The following KAZN variants were observed in gnomAD, a reference collection of about 807,000 sequenced individuals.
The protein encoded by KAZN is kazrin, periplakin interacting protein.
A neutral mutation model predicts 87.4 loss-of-function variants in KAZN; 40 were observed. The ratio of observed to expected loss-of-function variants is 0.46; its 90% CI spans 0.36 to 0.60. The LOEUF is 0.60. Among genes scored for constraint, KAZN ranks in the 20% least tolerant of loss-of-function variants. KAZN has a pLI of 0.00. For synonymous variants in KAZN, 466 were observed against 458.3 expected, an observed-to-expected ratio of 1.02 and a Z score of -0.22; for missense variants, 898 against 1,073.9, an observed-to-expected ratio of 0.84 and a Z score of 2.29.
chr1:14,303,624 C>T (rs564551659), intron 2 of KAZN, among the ~76,000 whole-genome samples: 4 of 152,290 alleles, frequency 2.6e-5, no homozygotes, highest in Admixed American at 6.5e-5. Flanking sequence ...CATATGTCCT[C>T]CAGGCTCTCA....
At chr1:14,889,024 C>T (rs558760919) in intron 1 of KAZN, among the ~76,000 whole-genome samples, 2 of 152,264 alleles carry the variant, frequency 1.3e-5, no homozygotes, top group East Asian at 3.9e-4. Context: ...TTAAAAATCG[C>T]AAAAACATCT....
chr1:14,830,306 C>T (rs538253510), intron 1 of KAZN, among the ~76,000 whole-genome samples: 1 of 152,320 alleles, frequency 6.6e-6, no homozygotes, highest in East Asian at 1.9e-4. Context: ...GGAAAAATGA[C>T]AGTCCCAGCA....
At chr1:14,832,196 CAAA>C (rs559013790) in intron 1 of KAZN, among the ~76,000 whole-genome samples, 7 of 120,874 alleles carry the variant, frequency 5.8e-5, no homozygotes, top group East Asian at 2.4e-4. Flanking sequence ...AACTCCATCT[CAAA>C]AAAAAAAAAA....
chr1:14,692,818 G>A lies in KAZN; in HGVS notation c.226+93595G>A, dbSNP rs147986224. On this transcript the variant is annotated intron_variant, in intron 1 of 14. Coordinates refer to ENST00000376030, the MANE Select transcript of KAZN (RefSeq NM_201628.3). ...CGTAGTGGCACATGCCTGTAAACCC[G>A]GCTACTTGGGAGGCTGAGGCATGAG... Among the ~76,000 whole-genome samples, 602 of 152,242 alleles carry A rather than the reference G, an allele frequency of 4.0e-3. 2 individuals carry two copies. Among genetic ancestry groups the A allele is most frequent in the Middle Eastern group, 0.014 (4 of 294 alleles).
intron 2 of KAZN, among the ~76,000 whole-genome samples, chr1:14,553,179 A>G (rs544415273): frequency 4.6e-5 from 7 of 152,266 alleles, no homozygotes; most frequent in Admixed American, 2.0e-4. Flanking sequence ...ATTCGAGACC[A>G]GCCTGGCCAA....
chr1:14,414,205 A>G (rs1664552647), intron 2 of KAZN, among the ~76,000 whole-genome samples: 1 of 152,178 alleles, frequency 6.6e-6, no homozygotes. Context: ...GGAATTTGGC[A>G]ATATTTAGTA....
At chr1:14,577,781 A>G (rs1046229085) in intron 2 of KAZN, among the ~76,000 whole-genome samples, 1 of 152,198 alleles carries the variant, frequency 6.6e-6, no homozygotes, top group Non-Finnish European at 1.5e-5. Flanking sequence ...GCTTTTTCAC[A>G]TCCAGCAACA....
At chr1:13,894,320 A>C (rs1255026375) in intron 1 of KAZN, among the ~76,000 whole-genome samples, 1 of 152,054 alleles carries the variant, frequency 6.6e-6, no homozygotes, top group African/African-American at 2.4e-5. Context: ...CTCACGTTTT[A>C]TACAGAAGGG....
intron 1 of KAZN, among the ~76,000 whole-genome samples, chr1:14,931,084 G>A (rs1190459803): frequency 1.3e-5 from 2 of 152,134 alleles, no homozygotes; most frequent in Non-Finnish European, 2.9e-5. Flanking sequence ...GGCTGGGAAG[G>A]GACCATACTC....
chr1:14,668,850 C>A (rs1356729813), intron 1 of KAZN, among the ~76,000 whole-genome samples: 3 of 152,168 alleles, frequency 2.0e-5, no homozygotes, highest in Admixed American at 2.0e-4. Flanking sequence ...GCAGCTCACG[C>A]AGCTTGACAT....
intron 1 of KAZN, among the ~76,000 whole-genome samples, chr1:14,950,040 G>T (rs1038883981): frequency 1.7e-4 from 26 of 152,076 alleles, no homozygotes; most frequent in South Asian, 6.2e-4. Context: ...TGTGCAATAT[G>T]AGAAAAGGAC....
At chr1:14,333,720 C>T (rs1049184169) in intron 2 of KAZN, among the ~76,000 whole-genome samples, 10 of 152,042 alleles carry the variant, frequency 6.6e-5, no homozygotes, top group Admixed American at 6.6e-4. Context: ...CTGACAGGGG[C>T]TGGTGGGGGG....
intron 1 of KAZN, among the ~76,000 whole-genome samples, chr1:14,177,182 T>C (rs546718800): frequency 2.5e-4 from 38 of 152,096 alleles, no homozygotes; most frequent in Non-Finnish European, 2.6e-4. Context: ...TATGCTTACA[T>C]TGGCACCTGC....
At chr1:14,450,712 C>A (rs1249627843) in intron 2 of KAZN, among the ~76,000 whole-genome samples, 6 of 152,184 alleles carry the variant, frequency 3.9e-5, no homozygotes, top group Non-Finnish European at 8.8e-5. Context: ...CCAAGTTTTA[C>A]AAACCCCGGA....
chr1:14,560,565 G>A (rs1370943094), intron 2 of KAZN, among the ~76,000 whole-genome samples: 1 of 152,144 alleles, frequency 6.6e-6, no homozygotes, highest in Non-Finnish European at 1.5e-5. Flanking sequence ...GCGACAGAGC[G>A]AGACTCCATC....
chr1:14,040,605 T>C (rs1301220186), intron 1 of KAZN, among the ~76,000 whole-genome samples: 1 of 151,666 alleles, frequency 6.6e-6, no homozygotes, highest in Non-Finnish European at 1.5e-5. Flanking sequence ...CTACTAGAAA[T>C]ACAAAAATTA....
Position 14,309,686 on chromosome 1 carries a change from A to G in KAZN, c.249+129094A>G, listed in dbSNP as rs184992955. Among the ~76,000 whole-genome samples the G allele has an allele frequency of 2.8e-4, 42 of 152,156 alleles. No individual in the cohort carries two copies. The East Asian group carries it at 6.9e-3, about 25-fold the overall frequency. ...GGTAATCCTCCTGCATCAGCCTCCT[A>G]AGTAGCAGGGACCACAGGCACACAC... On this transcript the variant is annotated intron_variant, in intron 2 of 16. Coordinates refer to the KAZN transcript ENST00000636203.
intron 1 of KAZN, among the ~76,000 whole-genome samples, chr1:14,918,675 CAAAAAAAAAAAAAAA>C (rs1158537283): frequency 2.5e-3 from 93 of 36,930 alleles, no homozygotes; most frequent in African/African-American, 4.8e-3. Flanking sequence ...GACTCCATCT[CAAAAAAAAAAAAAAA>C]AAAAAAAAAA....
chr1:14,294,108 G>A (rs1318197786), intron 2 of KAZN, among the ~76,000 whole-genome samples: 4 of 152,134 alleles, frequency 2.6e-5, no homozygotes, highest in Non-Finnish European at 4.4e-5. Context: ...AGAGATGAGC[G>A]AACTTGGCCA....
Sources: allele counts gnomAD v4.1 joint callset (sites outside exome capture counted in the v4.1 genomes callset), GRCh38; gene constraint gnomAD v4.1.1; transcripts MANE v1.5; gene names NCBI Gene and HGNC (gene_info 2026-07-23, HGNC 2026-07-21).